Variants in ZNF658 observed in about 807,000 individuals in gnomAD.
ZNF658 encodes zinc finger protein 658.
Under a neutral mutation model 78.0 loss-of-function variants are expected in ZNF658, and 46 were observed. The ratio of observed to expected loss-of-function variants is 0.59; its 90% CI spans 0.47 to 0.75. The LOEUF is 0.75. Among genes scored for constraint, ZNF658 ranks in the 30% least tolerant of loss-of-function variants. The pLI is 0.00. For missense variants in ZNF658, 785 were observed against 1,189.3 expected (o/e 0.66, Z 5.00); for synonymous variants, 279 against 408.4 (o/e 0.68, Z 3.82).
At chr9:66,909,983 C>T (rs12237694) in intron 4 of ZNF658, among the ~76,000 whole-genome samples, 86,613 of 151,778 alleles carry the variant, frequency 0.57, 25,527 homozygotes, top group African/African-American at 0.73. Context: ...GTTCATGTGG[C>T]CTTTCCTCTG....
At chr9:66,921,459 AAT>A (rs1446805796), downstream of ZNF658, 5 of 150,314 alleles carry the variant, frequency 3.3e-5, no homozygotes, top group African/African-American at 4.9e-5. Flanking sequence ...TTTCTGAGGA[AAT>A]ATGTCAGTTT....
At chr9:66,901,821 G>A (rs1424656761) in intron 1 of ZNF658, among the ~76,000 whole-genome samples, 1 of 151,806 alleles carries the variant, frequency 6.6e-6, no homozygotes, top group Non-Finnish European at 1.5e-5. Flanking sequence ...GTGCACTCCT[G>A]TAATCCCAGC....
chr9:66,915,492 T>A (rs1363917832), intron 4 of ZNF658, among the ~76,000 whole-genome samples: 2 of 150,370 alleles, frequency 1.3e-5, no homozygotes, highest in African/African-American at 4.9e-5. Flanking sequence ...TAACAAGAAG[T>A]GAGTGGTCTG....
intron 4 of ZNF658, among the ~76,000 whole-genome samples, chr9:66,913,659 C>CA (rs1822267314): frequency 6.6e-6 from 1 of 151,058 alleles, no homozygotes; most frequent in South Asian, 2.1e-4. Context: ...CCTTGAAACT[C>CA]AAAGTAACAG....
At chr9:66,905,823 G>C (rs1464473268) in intron 2 of ZNF658, among the ~76,000 whole-genome samples, 131 of 144,094 alleles carry the variant, frequency 9.1e-4, no homozygotes, top group Non-Finnish European at 1.5e-3. Context: ...CTAAGTCTTT[G>C]ACCATATGTA....
downstream of ZNF658, among the ~76,000 whole-genome samples, chr9:66,921,816 G>A (rs1165825892): frequency 1.3e-5 from 2 of 151,092 alleles, no homozygotes; most frequent in Non-Finnish European, 2.9e-5. Context: ...ACTTGAGGAG[G>A]CAGTCTGTCC....
At chr9:66,922,446 A>G (rs1202231532), downstream of ZNF658, among the ~76,000 whole-genome samples, 1 of 140,200 alleles carries the variant, frequency 7.1e-6, no homozygotes, top group East Asian at 2.1e-4. Context: ...GGAGCTGTAG[A>G]CTGGAGCTCT....
rs1224423025 is a variant in ZNF658 at position 66,918,049 on chromosome 9, AAAG to A, written c.488_490del (p.Lys163del). 6 of 1,600,744 alleles carry A rather than the reference AAAG, an allele frequency of 3.7e-6. No individual in the cohort carries two copies. Among genetic ancestry groups the A allele is most frequent in the Non-Finnish European group, 5.1e-6 (6 of 1,175,362 alleles). ...TTATAAGTGAAAGAAAATATTCAAG[AAAG>A]AAGACTGAATACATGAATGTGTGTG... is the stretch of plus-strand genomic sequence containing the variant. On this transcript the variant is annotated inframe_deletion, in exon 5 of 5. Coordinates refer to ENST00000621410, the MANE Select transcript of ZNF658 (RefSeq NM_033160.7).
chr9:66,918,976 C>T lies in ZNF658; in HGVS notation c.1410C>T (p.Asn470=). 1 of 1,343,218 alleles carries T rather than the reference C, an allele frequency of 7.4e-7. No homozygotes were observed. Among genetic ancestry groups the T allele is most frequent in the African/African-American group, 1.8e-5 (1 of 55,620 alleles). The allele number at this position is 1,343,218 out of a possible 1,614,324, so 83.2% of individuals were successfully genotyped here. The part of the protein sequence containing the change: ...RIHTKEKPCD[N]NGCGRSYKSP... Reference sequence around the variant, plus strand: ...ACACAAAAGAGAAACCTTGTGATAACAATGGCTGTGGGAGATCTTACAAGT... The same window carrying T: ...ACACAAAAGAGAAACCTTGTGATAATAATGGCTGTGGGAGATCTTACAAGT... The change falls in exon 5 of 5, where the codon AAC becomes AAT. Residue 470 remains asparagine (N), a synonymous_variant. Transcript: ENST00000621410.
chr9:66,922,353 C>T (rs1822541484), downstream of ZNF658, among the ~76,000 whole-genome samples: 1 of 152,018 alleles, frequency 6.6e-6, no homozygotes, highest in African/African-American at 2.4e-5. Flanking sequence ...GCTGCACCCA[C>T]TGTCCAACAA....
At chr9:66,922,263 G>C (rs1304840389), downstream of ZNF658, among the ~76,000 whole-genome samples, 1 of 151,516 alleles carries the variant, frequency 6.6e-6, no homozygotes, top group East Asian at 2.0e-4. Flanking sequence ...GCTACCCTTG[G>C]CTAGGAAAGG....
At chr9:66,929,931 C>T (rs1458734212) in intron 6 of ZNF658, among the ~76,000 whole-genome samples, 1 of 137,752 alleles carries the variant, frequency 7.3e-6, no homozygotes, top group Non-Finnish European at 1.5e-5. Context: ...CTACAAGTGC[C>T]CGCCACCACG....
chr9:66,928,655 A>T (rs1822609194), intron 6 of ZNF658, among the ~76,000 whole-genome samples: 1 of 151,674 alleles, frequency 6.6e-6, no homozygotes, highest in Admixed American at 6.6e-5. Context: ...GATGGAGACC[A>T]TCCTGGCTAA....
intron 4 of ZNF658, among the ~76,000 whole-genome samples, chr9:66,912,132 CAA>C (rs1204033388): frequency 2.0e-5 from 1 of 49,360 alleles, no homozygotes; most frequent in Non-Finnish European, 3.3e-5. Context: ...GACCCCATCT[CAA>C]AAAAAAAAAA....
downstream of ZNF658, among the ~76,000 whole-genome samples, chr9:66,925,959 C>G (rs1564178970): frequency 2.1e-5 from 3 of 139,628 alleles, no homozygotes; most frequent in Non-Finnish European, 4.8e-5. Context: ...TAATGGGATA[C>G]AGTTAATAGA....
intron 4 of ZNF658, among the ~76,000 whole-genome samples, chr9:66,911,599 A>G (rs1349034268): frequency 5.2e-5 from 5 of 96,258 alleles, no homozygotes; most frequent in South Asian, 2.7e-4. Flanking sequence ...TTCTTACAAG[A>G]AAAATAAAAT....
chr9:66,901,457 G>T (rs1821950872), intron 1 of ZNF658, among the ~76,000 whole-genome samples: 1 of 151,446 alleles, frequency 6.6e-6, no homozygotes, highest in South Asian at 2.1e-4. Flanking sequence ...CACCAGATCT[G>T]TGTAGATGAT....
chr9:66,917,363 TGCATGAA>T (rs1179993103), intron 4 of ZNF658, among the ~76,000 whole-genome samples: 1 of 147,088 alleles, frequency 6.8e-6, no homozygotes, highest in African/African-American at 2.6e-5. Flanking sequence ...TCTGTCTGTG[TGCATGAA>T]GTATTTAATA....
intron 4 of ZNF658, among the ~76,000 whole-genome samples, chr9:66,913,258 C>T (rs11261527): frequency 6.6e-6 from 1 of 151,136 alleles, no homozygotes; most frequent in African/African-American, 2.4e-5. Context: ...AACCCCATCT[C>T]TACCAAAAGT....
Sources: allele counts gnomAD v4.1 joint callset (sites outside exome capture counted in the v4.1 genomes callset), GRCh38; gene constraint gnomAD v4.1.1; transcripts MANE v1.5; gene names NCBI Gene and HGNC (gene_info 2026-07-23, HGNC 2026-07-21).